The following TENM3 variants were observed in gnomAD, a reference collection of about 807,000 sequenced individuals.
TENM3 encodes teneurin transmembrane protein 3.
TENM3 carries 63 observed loss-of-function variants against 255.1 expected under a neutral mutation model. The ratio of observed to expected loss-of-function variants is 0.25; its 90% CI spans 0.20 to 0.30. TENM3 has a LOEUF of 0.30. Ranked by LOEUF, TENM3 falls within the 10% of genes least tolerant of loss-of-function variation. The pLI is 1.00. For missense variants in TENM3, 2,929 were observed against 3,461.1 expected, an observed-to-expected ratio of 0.85 and a Z score of 3.86; for synonymous variants, 1,306 against 1,322.3, an observed-to-expected ratio of 0.99 and a Z score of 0.27.
the TENM3 span, among the ~76,000 whole-genome samples, chr4:181,909,964 A>C: frequency 6.6e-6 from 1 of 152,186 alleles, no homozygotes; most frequent in African/African-American, 2.4e-5. Flanking sequence ...GTTATATATT[A>C]GTTTTTTAAA....
At chr4:182,047,287 G>A in the TENM3 span, among the ~76,000 whole-genome samples, 3 of 152,080 alleles carry the variant, frequency 2.0e-5, no homozygotes, top group Admixed American at 2.0e-4. Flanking sequence ...GAATAGGCTG[G>A]ACGCAGTGGC....
the TENM3 span, among the ~76,000 whole-genome samples, chr4:181,634,219 T>G: frequency 6.6e-6 from 1 of 152,222 alleles, no homozygotes. Context: ...CTTGGCCTTA[T>G]GGGGCTGTAA....
chr4:182,102,654 T>C, the TENM3 span, among the ~76,000 whole-genome samples: 1 of 152,174 alleles, frequency 6.6e-6, no homozygotes, highest in Non-Finnish European at 1.5e-5. Context: ...TTGTATTGCA[T>C]GGAGTGTGAG....
intron 3 of TENM3, among the ~76,000 whole-genome samples, chr4:182,525,679 C>T (rs904704141): frequency 6.6e-6 from 1 of 152,184 alleles, no homozygotes; most frequent in Non-Finnish European, 1.5e-5. Context: ...TGTTGCCCTT[C>T]GAGTTCTATT....
the TENM3 span, among the ~76,000 whole-genome samples, chr4:181,996,006 C>A: frequency 3.3e-5 from 5 of 152,020 alleles, no homozygotes; most frequent in Non-Finnish European, 7.4e-5. Flanking sequence ...AAAATAGGCT[C>A]CCCTCCTCCT....
intron 3 of TENM3, among the ~76,000 whole-genome samples, chr4:182,569,724 G>A (rs1332545626): frequency 6.6e-6 from 1 of 152,162 alleles, no homozygotes; most frequent in Non-Finnish European, 1.5e-5. Flanking sequence ...GGGCAGAAGT[G>A]AAGACCCAGG....
chr4:181,753,543 G>A, the TENM3 span, among the ~76,000 whole-genome samples: 1 of 147,488 alleles, frequency 6.8e-6, no homozygotes, highest in Non-Finnish European at 1.5e-5. Flanking sequence ...AAAAAAAAAA[G>A]ATGGATTTAT....
the TENM3 span, among the ~76,000 whole-genome samples, chr4:181,856,199 C>T: frequency 6.7e-6 from 1 of 149,962 alleles, no homozygotes; most frequent in African/African-American, 2.5e-5. Flanking sequence ...GGGAGGGGCA[C>T]ATGGTCCCAG....
the TENM3 span, among the ~76,000 whole-genome samples, chr4:181,491,974 C>T: frequency 0.094 from 14,321 of 152,188 alleles, 824 homozygotes; most frequent in Middle Eastern, 0.24. Flanking sequence ...TAGTGAATGG[C>T]GTTTTGGAAG....
At chr4:181,769,351 A>T in the TENM3 span, among the ~76,000 whole-genome samples, 2 of 152,182 alleles carry the variant, frequency 1.3e-5, no homozygotes, top group Non-Finnish European at 2.9e-5. Context: ...AAACTTTAGA[A>T]TGACACAGCC....
At chr4:181,582,593 G>A in the TENM3 span, among the ~76,000 whole-genome samples, 1,582 of 150,124 alleles carry the variant, frequency 0.011, 23 homozygotes, top group African/African-American at 0.037. Flanking sequence ...GTTGCAGGGA[G>A]CCGAGATAGT....
At chr4:182,497,117 G>A (rs1384877361) in intron 3 of TENM3, among the ~76,000 whole-genome samples, 3 of 151,354 alleles carry the variant, frequency 2.0e-5, no homozygotes, top group South Asian at 4.2e-4. Context: ...GCAGTGGCAC[G>A]ATCTCAGCTC....
the TENM3 span, among the ~76,000 whole-genome samples, chr4:181,653,678 C>T: frequency 2.7e-5 from 4 of 148,340 alleles, no homozygotes; most frequent in South Asian, 2.2e-4. Flanking sequence ...GGATTACAGG[C>T]GTGCATGAGC....
At chr4:181,524,980 C>A in the TENM3 span, among the ~76,000 whole-genome samples, 1 of 152,178 alleles carries the variant, frequency 6.6e-6, no homozygotes, top group Admixed American at 6.5e-5. Context: ...TCCCTAACAC[C>A]AGATGATTAG....
intron 24 of TENM3, among the ~76,000 whole-genome samples, chr4:182,779,890 A>G (rs1765027036): frequency 6.6e-6 from 1 of 151,996 alleles, no homozygotes; most frequent in Admixed American, 6.5e-5. Context: ...TCCTTCGCCC[A>G]CTTTTTGATG....
chr4:182,497,757 A>G (rs1735914273), intron 3 of TENM3, among the ~76,000 whole-genome samples: 1 of 151,254 alleles, frequency 6.6e-6, no homozygotes, highest in African/African-American at 2.4e-5. Flanking sequence ...TCTTCATAAA[A>G]AGCAATCAGA....
the TENM3 span, among the ~76,000 whole-genome samples, chr4:181,605,092 G>A: frequency 2.0e-5 from 3 of 152,234 alleles, no homozygotes; most frequent in East Asian, 3.9e-4. Flanking sequence ...AGTGTACAAT[G>A]TTATGTAACC....
At chr4:181,578,549 G>C in the TENM3 span, among the ~76,000 whole-genome samples, 2 of 152,202 alleles carry the variant, frequency 1.3e-5, no homozygotes, top group Admixed American at 1.3e-4. Context: ...GAGGCTGCCA[G>C]TGCTGAGATC....
chr4:182,133,010 C>A, the TENM3 span, among the ~76,000 whole-genome samples: 8 of 152,044 alleles, frequency 5.3e-5, no homozygotes, highest in Non-Finnish European at 1.0e-4. Flanking sequence ...AGAAAACATG[C>A]GTGTAGGCCA....
Sources: allele counts gnomAD v4.1 joint callset (sites outside exome capture counted in the v4.1 genomes callset), GRCh38; gene constraint gnomAD v4.1.1; transcripts MANE v1.5; gene names NCBI Gene and HGNC (gene_info 2026-07-23, HGNC 2026-07-21).